The following INVS variants were observed in gnomAD, a reference collection of about 807,000 sequenced individuals.
The protein encoded by INVS is inversin.
A neutral mutation model predicts 108.8 loss-of-function variants in INVS; 86 were observed. That is an observed-to-expected ratio of 0.79 (90% CI 0.66 to 0.95). The LOEUF is 0.95. INVS is among the 40% of genes least tolerant of loss of function. The pLI is 0.00. For missense variants in INVS, 1,169 were observed against 1,297.4 expected, an observed-to-expected ratio of 0.90 and a Z score of 1.52; for synonymous variants, 455 against 473.5, an observed-to-expected ratio of 0.96 and a Z score of 0.51.
At chr9:100,155,042 A>G (rs1331140711) in intron 3 of INVS, among the ~76,000 whole-genome samples, 1 of 152,016 alleles carries the variant, frequency 6.6e-6, no homozygotes, top group Admixed American at 6.6e-5. Flanking sequence ...GTGAAACCCC[A>G]TCTCTACTAA....
At chr9:100,295,572 G>T (rs1335002080) in intron 14 of INVS, among the ~76,000 whole-genome samples, 1 of 152,196 alleles carries the variant, frequency 6.6e-6, no homozygotes, top group Non-Finnish European at 1.5e-5. Flanking sequence ...TTCAGTGCAG[G>T]CTGTGGTTAT....
chr9:100,119,080 A>G (rs987865982), intron 2 of INVS, among the ~76,000 whole-genome samples: 3 of 152,230 alleles, frequency 2.0e-5, no homozygotes, highest in East Asian at 1.9e-4. Context: ...CTATTGGTCT[A>G]TAAGTCTATT....
chr9:100,242,666 A>G lies in INVS; in HGVS notation c.893A>G (p.Gln298Arg). 2 of 1,593,874 alleles carry G rather than the reference A, an allele frequency of 1.3e-6. No individual in the cohort carries two copies. Among genetic ancestry groups the G allele is most frequent in the Non-Finnish European group, 8.6e-7 (1 of 1,161,590 alleles). ...QGATPLHYAA[Q>R]SNFAETVKVF... ...GCCACACCTTTGCACTATGCTGCTC[A>G]GAGTAACTTTGCTGTAAGTAAAACA... Residue 298 changes from glutamine to arginine, a missense_variant, in exon 7 of 17, where the codon CAG (glutamine) becomes CGG (arginine). Gln to Arg is a conservative substitution (Grantham distance 43, BLOSUM62 1). Around this residue, in one of 3 missense-constraint regions of INVS, gnomAD observed 365 missense variants for 397.5 expected, o/e 0.92. Coordinates refer to ENST00000262457, the MANE Select transcript of INVS (RefSeq NM_014425.5).
At chr9:100,100,796 A>AATATATATT (rs1826874687) in intron 1 of INVS, among the ~76,000 whole-genome samples, 2 of 5,420 alleles carry the variant, frequency 3.7e-4, no homozygotes, top group Non-Finnish European at 4.9e-4. Context: ...TTATATATAT[A>AATATATATT]ATATATGTAT....
At chr9:100,110,856 G>A (rs1827319401) in intron 2 of INVS, among the ~76,000 whole-genome samples, 3 of 152,158 alleles carry the variant, frequency 2.0e-5, no homozygotes, top group Admixed American at 2.0e-4. Context: ...CAAATTATAA[G>A]TTATAGAAAT....
rs565906053 is a variant in INVS, at chr9:100,143,059, C to T, written c.273+16510C>T. Among the ~76,000 whole-genome samples the T allele has an allele frequency of 5.3e-5, 8 of 152,236 alleles. No homozygotes were observed. The South Asian group carries it at 1.7e-3, about 32-fold the overall frequency. On this transcript the variant is annotated intron_variant, in intron 3 of 16. Coordinates refer to ENST00000262457, the MANE Select transcript of INVS (RefSeq NM_014425.5). The stretch of plus-strand genomic sequence containing the variant: ...GAAGTAATGGGGGCTGTCTGTGAAG[C>T]CTTGCAGCAGTACAGCCTAAGTAAT...
intron 11 of INVS, among the ~76,000 whole-genome samples, chr9:100,265,194 C>G (rs138060014): frequency 7.2e-5 from 11 of 152,180 alleles, no homozygotes; most frequent in Middle Eastern, 3.4e-3. Context: ...CCACCCACCT[C>G]GGCCTCCCAA....
At chr9:100,204,089 C>T (rs1830608529) in intron 3 of INVS, among the ~76,000 whole-genome samples, 1 of 151,992 alleles carries the variant, frequency 6.6e-6, no homozygotes, top group Admixed American at 6.6e-5. Flanking sequence ...AATGAATTTC[C>T]TCATTTCACA....
chr9:100,177,841 C>A (rs1000232546), intron 3 of INVS, among the ~76,000 whole-genome samples: 1 of 152,186 alleles, frequency 6.6e-6, no homozygotes, highest in African/African-American at 2.4e-5. Flanking sequence ...GGAGACACCT[C>A]CCAGCAGGGG....
chr9:100,293,003 A>G lies in INVS; in HGVS notation c.2746A>G (p.Lys916Glu), dbSNP rs1490840845. The G allele has an allele frequency of 6.2e-7, 1 of 1,614,012 alleles. No individual in the cohort carries two copies. Among genetic ancestry groups the G allele is most frequent in the Non-Finnish European group, 8.5e-7 (1 of 1,179,888 alleles). Residue 916 changes from lysine to glutamate, a missense_variant, in exon 14 of 17, where the codon AAG (lysine) becomes GAG (glutamate). Lys to Glu is a moderately conservative substitution (Grantham distance 56). Coordinates refer to ENST00000262457, the MANE Select transcript of INVS (RefSeq NM_014425.5). ...AAGGAGGAAGGAGCTGTTTCGCAAAAAGAACAAGGCAGCAGCAGTCATCCA... is the reference window on the plus strand; with the variant it reads ...AAGGAGGAAGGAGCTGTTTCGCAAAGAGAACAAGGCAGCAGCAGTCATCCA... ...ERRRKELFRKKNKAAAVIQRA... is the reference protein window; with the variant it reads ...ERRRKELFRKENKAAAVIQRA...
chr9:100,121,276 C>T (rs970643050), intron 2 of INVS, among the ~76,000 whole-genome samples: 1 of 152,112 alleles, frequency 6.6e-6, no homozygotes, highest in Non-Finnish European at 1.5e-5. Flanking sequence ...TTTGCAAAAT[C>T]CCTTCATATT....
intron 2 of INVS, among the ~76,000 whole-genome samples, chr9:100,124,174 CTGAGTG>C (rs1367523303): frequency 3.8e-5 from 3 of 78,864 alleles, no homozygotes; most frequent in African/African-American, 5.3e-5. Flanking sequence ...TTATTTGTTT[CTGAGTG>C]TGTGTGTGTG....
rs551412321 is a variant in INVS at position 100,275,763 on chromosome 9, G to A, written c.1784+2687G>A. ...TTTCTAATTTACTGAAAGAGAAACC[G>A]GGAGAGAAAAAGTTATAGCGATATT... On this transcript the variant is annotated intron_variant, in intron 12 of 16. Coordinates refer to ENST00000262457, the MANE Select transcript of INVS (RefSeq NM_014425.5). 3.3e-3 allele frequency among the ~76,000 whole-genome samples: 501 copies of A among 152,258 alleles called. 3 individuals carry two copies. The highest frequency in any genetic ancestry group is 0.012 in the African/African-American group (478 of 41,542).
intron 2 of INVS, among the ~76,000 whole-genome samples, chr9:100,122,572 G>GTT (rs1554714711): frequency 1.4e-4 from 9 of 64,860 alleles, no homozygotes; most frequent in African/African-American, 3.1e-4. Context: ...TTTTAAGTGA[G>GTT]TTTCTTTTTT....
intron 13 of INVS, among the ~76,000 whole-genome samples, chr9:100,291,861 T>G (rs1833626653): frequency 6.6e-6 from 1 of 152,198 alleles, no homozygotes; most frequent in Non-Finnish European, 1.5e-5. Flanking sequence ...TCAAGAGTGC[T>G]GGCTTCATGT....
At chr9:100,298,474 CT>C (rs1334945066) in intron 16 of INVS, 1 of 282,754 alleles carries the variant, frequency 3.5e-6, no homozygotes, top group South Asian at 1.4e-4. Context: ...AGGGAACTTT[CT>C]TTTCAGCCAC....
chr9:100,203,757 C>CTA (rs1366870789), intron 3 of INVS, among the ~76,000 whole-genome samples: 2 of 152,052 alleles, frequency 1.3e-5, no homozygotes, highest in Non-Finnish European at 2.9e-5. Flanking sequence ...CCCGCCTCAG[C>CTA]CTCCCAAAGT....
intron 3 of INVS, among the ~76,000 whole-genome samples, chr9:100,197,236 AT>A (rs1157887097): frequency 6.6e-6 from 1 of 152,172 alleles, no homozygotes; most frequent in Non-Finnish European, 1.5e-5. Context: ...TTACTAGTTT[AT>A]TACAAAGGAT....
Position 100,133,715 on chromosome 9 carries a change from A to G in INVS, c.273+7166A>G, listed in dbSNP as rs549383341. 4.0e-5 allele frequency among the ~76,000 whole-genome samples: 6 copies of G among 148,846 alleles called. No homozygotes were observed. The South Asian group carries it at 1.1e-3, about 28-fold the overall frequency. On this transcript the variant is annotated intron_variant, in intron 3 of 16. Coordinates refer to ENST00000262457, the MANE Select transcript of INVS (RefSeq NM_014425.5). ...TCCCCAACATTTTTGTTGAGAATGT[A>G]TATTGGTACATTCACTCTCGCAAAC...
Sources: allele counts gnomAD v4.1 joint callset (sites outside exome capture counted in the v4.1 genomes callset), GRCh38; gene constraint gnomAD v4.1.1; regional missense constraint gnomAD v4.1.1; transcripts MANE v1.5; gene names NCBI Gene and HGNC (gene_info 2026-07-23, HGNC 2026-07-21).